Variants in ZNF470 observed in about 807,000 individuals in gnomAD.
The protein encoded by ZNF470 is chondrogenesis zinc finger protein 1.
In ZNF470, 13 loss-of-function variants were observed where a neutral mutation model predicts 13.9. That is an observed-to-expected ratio of 0.94 (90% confidence interval 0.61 to 1.49). ZNF470 has a LOEUF of 1.49. Ranked by LOEUF, ZNF470 falls within the 40% of genes most tolerant of loss-of-function variation. The pLI is 0.00. For missense variants in ZNF470, 929 were observed against 857.3 expected, an observed-to-expected ratio of 1.08 and a Z score of -1.04; for synonymous variants, 293 against 282.9, an observed-to-expected ratio of 1.04 and a Z score of -0.36.
chr19:56,577,106 A>G lies in ZNF470; in HGVS notation c.677A>G (p.Lys226Arg), dbSNP rs1223642707. Residue 226 changes from lysine (K) to arginine (R), a missense_variant, in exon 6 of 6, where the codon AAA becomes AGA. Transcript: ENST00000330619. ...KKHKQDRGEKKLLKCNDCEKI... is the reference protein window; with the variant it reads ...KKHKQDRGEKRLLKCNDCEKI... ...CACAAGCAAGACCGTGGAGAAAAGA[A>G]ACTTTTAAAATGTAATGACTGTGAG... 5 of 1,609,050 alleles carry G rather than the reference A, an allele frequency of 3.1e-6. No individual in the cohort carries two copies. Among genetic ancestry groups the G allele is most frequent in the Non-Finnish European group, 2.5e-6 (3 of 1,178,798 alleles).
rs1363696259 is a variant in ZNF470 at position 56,578,129 on chromosome 19, G to A, written c.1700G>A (p.Cys567Tyr). 4.3e-6 allele frequency: 7 copies of A among 1,613,970 alleles called. No individual in the cohort carries two copies. The highest frequency in any genetic ancestry group is 4.2e-6 in the Non-Finnish European group (5 of 1,180,018). ...CATACTGGTGAGAAGCCTTACGAATGTATTGAATGTGGGAAGGCCTTTAGT... is the reference window on the plus strand; with the variant it reads ...CATACTGGTGAGAAGCCTTACGAATATATTGAATGTGGGAAGGCCTTTAGT... ...RVHTGEKPYE[C>Y]IECGKAFSDG... is the part of the protein sequence containing the mutation. Residue 567 changes from cysteine (C) to tyrosine (Y), a missense_variant, in exon 6 of 6, where the codon TGT becomes TAT. By Grantham distance (194) the Cys-to-Tyr change is radical. Coordinates refer to ENST00000330619, the MANE Select transcript of ZNF470 (RefSeq NM_001001668.4).
In ZNF470 at chr19:56,577,959, A is replaced by G; in HGVS notation, c.1530A>G (p.Glu510=). Residue 510 remains glutamate (E), a synonymous_variant, in exon 6 of 6, where the codon GAA becomes GAG. Coordinates refer to ENST00000330619, the MANE Select transcript of ZNF470 (RefSeq NM_001001668.4). ...TTCATACTGGAGAGAAACCTTATGA[A>G]TGTAAGGAATGCAGCAAAACCTTCA... ...QRIHTGEKPY[E]CKECSKTFSQ... The G allele has an allele frequency of 6.2e-7, 1 of 1,613,898 alleles. No homozygotes were observed. Among genetic ancestry groups the G allele is most frequent in the Non-Finnish European group, 8.5e-7 (1 of 1,179,956 alleles).
chr19:56,578,264 A>G lies in ZNF470; in HGVS notation c.1835A>G (p.Gln612Arg), dbSNP rs1328146842. 2 of 1,613,648 alleles carry G rather than the reference A, an allele frequency of 1.2e-6. No homozygotes were observed. The highest frequency in any genetic ancestry group is 1.3e-5 in the African/African-American group (1 of 74,932). The part of the protein sequence containing the change: ...FRQRASLICH[Q>R]RCHTGEKPYE... ...CAGAGGGCATCCTTGATTTGTCATC[A>G]GAGATGTCATACTGGTGAGAAACCT... Residue 612 changes from glutamine (Q) to arginine (R), a missense_variant, in exon 6 of 6, where the codon CAG (glutamine) becomes CGG (arginine). By Grantham distance (43) the Gln-to-Arg change is conservative. Transcript: ENST00000330619.
At chr19:56,572,126 A>G (rs1192889717) in intron 3 of ZNF470, among the ~76,000 whole-genome samples, 1 of 150,254 alleles carries the variant, frequency 6.7e-6, no homozygotes, top group African/African-American at 2.5e-5. Flanking sequence ...GACTATGCAC[A>G]CTCCACTCTT....
intron 2 of ZNF470, among the ~76,000 whole-genome samples, chr19:56,569,308 A>G (rs2044433845): frequency 6.6e-6 from 1 of 152,190 alleles, no homozygotes; most frequent in South Asian, 2.1e-4. Flanking sequence ...CCTAGGCCTC[A>G]TGAGGATTTT....
chr19:56,567,801 C>T lies in ZNF470; in HGVS notation c.-396C>T. 2.0e-6 allele frequency: 2 copies of T among 986,868 alleles called. No individual in the cohort carries two copies. Among genetic ancestry groups the T allele is most frequent in the Non-Finnish European group, 2.4e-6 (2 of 831,080 alleles). 61.1% of individuals were successfully genotyped at this position (986,868 alleles called of 1,614,324 possible). A position where few individuals can be genotyped will look rare whatever the true frequency, so the allele number is the denominator to read the frequency against. On this transcript the variant is annotated 5_prime_UTR_variant, in exon 1 of 6. Transcript: ENST00000330619. ...GCGGTGTGTGTTGGAATGAGTGAAGCACTTTAAGTGGCCAAGAGCAGGAAA... is the reference window on the plus strand; with the variant it reads ...GCGGTGTGTGTTGGAATGAGTGAAGTACTTTAAGTGGCCAAGAGCAGGAAA...
At position 56,577,433 on chromosome 19, in the gene ZNF470, C is replaced by A. The variant is rs774124953; in HGVS notation, c.1004C>A (p.Thr335Asn). The part of the protein sequence containing the change: ...AHLAQHQRVH[T>N]GEKPYECIEC... ...CTTGCTCAACATCAGAGGGTCCACA[C>A]TGGAGAGAAACCCTATGAATGTATT... Residue 335 changes from threonine to asparagine, a missense_variant, in exon 6 of 6, where the codon ACT (threonine) becomes AAT (asparagine). By Grantham distance (65) the Thr-to-Asn change is moderately conservative. Coordinates refer to ENST00000330619, the MANE Select transcript of ZNF470 (RefSeq NM_001001668.4). The A allele has an allele frequency of 2.5e-6, 4 of 1,614,108 alleles. No individual in the cohort carries two copies. The highest frequency in any genetic ancestry group is 3.4e-6 in the Non-Finnish European group (4 of 1,180,004).
intron 5 of ZNF470, among the ~76,000 whole-genome samples, 194 bp downstream of exon 5, chr19:56,574,927 G>C (rs980416666): frequency 3.9e-5 from 6 of 152,052 alleles, no homozygotes; most frequent in African/African-American, 1.4e-4. Flanking sequence ...ATGCATACCA[G>C]GGTCTATTTC....
Position 56,579,638 on chromosome 19 carries a change from TC to T in ZNF470, c.*1057del. 1.0e-6 allele frequency: 1 copy of T among 985,388 alleles called. No homozygotes were observed. The highest frequency in any genetic ancestry group is 1.2e-6 in the Non-Finnish European group (1 of 829,934). 61.0% of individuals were successfully genotyped at this position (985,388 alleles called of 1,614,324 possible). ...CATAAAATAAAATGCAATAAGACCT[TC>T]CATCTTGTTCCATGAGATTGACAAG... On this transcript the variant is annotated 3_prime_UTR_variant, in exon 6 of 6. Coordinates refer to ENST00000330619, the MANE Select transcript of ZNF470 (RefSeq NM_001001668.4).
rs28532383 is a variant in ZNF470 at position 56,569,147 on chromosome 19, A to G, written c.-33+264A>G. Reference sequence around the variant, plus strand: ...TGTGTTCATTTTTATCATCATTATGATAATCCTTTGAGAAGGCAGTGGAAT... The same window carrying G: ...TGTGTTCATTTTTATCATCATTATGGTAATCCTTTGAGAAGGCAGTGGAAT... On this transcript the variant is annotated intron_variant, in intron 2 of 5. Transcript: ENST00000330619. Among the ~76,000 whole-genome samples, 756 of 152,354 alleles carry G rather than the reference A, an allele frequency of 5.0e-3. 6 individuals carry two copies. Among genetic ancestry groups the G allele is most frequent in the African/African-American group, 0.017 (692 of 41,582 alleles).
chr19:56,582,733 C>CCTCCTGGCTTG lies in ZNF470; in HGVS notation c.*4151_*4152insTCCTGGCTTGC. ...GAAGAGACACCAGAGGTTTGTCTCT[C>CCTCCTGGCTTG]CACATGTGCACAGAGGAAATGCTGT... On this transcript the variant is annotated 3_prime_UTR_variant, in exon 6 of 6. Transcript: ENST00000330619. The CCTCCTGGCTTG allele has an allele frequency of 4.5e-6, 1 of 221,384 alleles. No individual in the cohort carries two copies. The highest frequency in any genetic ancestry group is 7.6e-6 in the Non-Finnish European group (1 of 131,406). 13.7% of individuals were successfully genotyped at this position (221,384 alleles called of 1,614,324 possible). A position where few individuals can be genotyped will look rare whatever the true frequency, so the allele number is the denominator to read the frequency against.
At position 56,580,137 on chromosome 19, in the gene ZNF470, T is replaced by G. The variant is rs1385267851; in HGVS notation, c.*1554T>G. 2.0e-6 allele frequency: 2 copies of G among 984,652 alleles called. No homozygotes were observed. Among genetic ancestry groups the G allele is most frequent in the Non-Finnish European group, 2.4e-6 (2 of 829,438 alleles). The allele number at this position is 984,652 out of a possible 1,614,324, so 61.0% of individuals were successfully genotyped here. On this transcript the variant is annotated 3_prime_UTR_variant, in exon 6 of 6. Transcript: ENST00000330619. ...GCTAGGGAGTGCTGGATCAGGCACC[T>G]TACTATCCCCAGAACATGTTGGTAT...
Position 56,574,519 on chromosome 19 carries a change from G to A in ZNF470, c.186G>A (p.Val62=), listed in dbSNP as rs369170382. The A allele has an allele frequency of 2.5e-6, 4 of 1,613,542 alleles. No homozygotes were observed. The African/African-American group carries it at 5.3e-5, about 22-fold the overall frequency. The change falls in exon 4 of 6, where the codon GTG becomes GTA. Residue 62 remains valine, a splice_region_variant and synonymous_variant. Coordinates refer to ENST00000330619, the MANE Select transcript of ZNF470 (RefSeq NM_001001668.4). The part of the protein sequence containing the change: ...MLENYRNLVS[V]GLCISKPDVI... The stretch of plus-strand genomic sequence containing the variant: ...AAAACTACAGGAACCTAGTTTCAGT[G>A]GGTAAGAGTATCTTCCTCCTGTTGC...
At chr19:56,571,453 T>C (rs1306508911) in intron 3 of ZNF470, among the ~76,000 whole-genome samples, 1 of 152,180 alleles carries the variant, frequency 6.6e-6, no homozygotes. Context: ...TGGCCAACAA[T>C]AGAAGCTTCA....
rs920878198 is a variant in ZNF470, at chr19:56,576,910, A to G, written c.481A>G (p.Ile161Val). The G allele has an allele frequency of 1.3e-6, 2 of 1,576,020 alleles. No homozygotes were observed. Among genetic ancestry groups the G allele is most frequent in the Non-Finnish European group, 8.6e-7 (1 of 1,167,732 alleles). Residue 161 changes from isoleucine to valine, a missense_variant, in exon 6 of 6, where the codon ATC becomes GTC. By Grantham distance (29) the Ile-to-Val change is conservative (BLOSUM62 3). Transcript: ENST00000330619. ...NQKTHFRQET[I>V]THIDTLIEKR... ...GAAGACACATTTTAGGCAAGAGACCATCACTCATATAGATACTCTTATTGA... is the reference window on the plus strand; with the variant it reads ...GAAGACACATTTTAGGCAAGAGACCGTCACTCATATAGATACTCTTATTGA...
intron 3 of ZNF470, among the ~76,000 whole-genome samples, chr19:56,572,360 A>T (rs1273794453): frequency 1.3e-5 from 1 of 79,188 alleles, no homozygotes; most frequent in African/African-American, 6.2e-5. Context: ...AAAAAAAAAA[A>T]AAAAAAAAAA....
Position 56,582,703 on chromosome 19 carries a change from AAG to A in ZNF470, c.*4123_*4124del. On this transcript the variant is annotated 3_prime_UTR_variant, in exon 6 of 6. Transcript: ENST00000330619. Reference sequence around the variant, plus strand: ...AATCCCATAGGACTAGTGTCCTTATAAGAGGAAGAGACACCAGAGGTTTGTCT... The same window carrying A: ...AATCCCATAGGACTAGTGTCCTTATAAGGAAGAGACACCAGAGGTTTGTCT... 2.9e-6 allele frequency: 1 copy of A among 350,136 alleles called. No homozygotes were observed. The allele number at this position is 350,136 out of a possible 1,614,324, so 21.7% of individuals were successfully genotyped here. A position where few individuals can be genotyped will look rare whatever the true frequency, so the allele number is the denominator to read the frequency against.
intron 3 of ZNF470, among the ~76,000 whole-genome samples, chr19:56,572,595 G>A (rs769109920): frequency 1.7e-4 from 25 of 146,974 alleles, no homozygotes; most frequent in Admixed American, 4.7e-4. Flanking sequence ...CCCCAGATTT[G>A]AAGTACCACC....
In ZNF470 at chr19:56,579,689, A is replaced by G. The variant is rs1010698745; in HGVS notation, c.*1106A>G. On this transcript the variant is annotated 3_prime_UTR_variant, in exon 6 of 6. Coordinates refer to ENST00000330619, the MANE Select transcript of ZNF470 (RefSeq NM_001001668.4). The stretch of plus-strand genomic sequence containing the variant: ...GACATGCCAAAACATAAAAATATGT[A>G]CACTGCAATTAGTTTCTGAATGTAG... 3 of 985,222 alleles carry G rather than the reference A, an allele frequency of 3.0e-6. No individual in the cohort carries two copies. The African/African-American group carries it at 5.2e-5, about 17-fold the overall frequency. The allele number at this position is 985,222 out of a possible 1,614,324, so 61.0% of individuals were successfully genotyped here.
Sources: gnomAD v4.1 joint callset for allele counts (sites outside exome capture counted in the v4.1 genomes callset) on GRCh38, gnomAD v4.1.1 for gene constraint, MANE v1.5 for transcripts, NCBI Gene and HGNC (gene_info 2026-07-23, HGNC 2026-07-21) for gene names.